Variants in LIPA observed in about 807,000 individuals in gnomAD.
LIPA encodes lysosomal acid lipase/cholesteryl ester hydrolase.
LIPA carries 26 observed loss-of-function variants against 40.6 expected under a neutral mutation model. The ratio of observed to expected loss-of-function variants is 0.64; its 90% CI spans 0.47 to 0.89. The LOEUF is 0.89. Ranked by LOEUF, LIPA falls within the 40% of genes least tolerant of loss-of-function variation. The pLI is 0.00. For synonymous variants in LIPA, 188 were observed against 168.4 expected (o/e 1.12, Z -0.90); for missense variants, 455 against 479.6 (o/e 0.95, Z 0.48).
chr10:89,380,094 C>G (rs1844151980), intron 2 of LIPA, among the ~76,000 whole-genome samples: 1 of 151,798 alleles, frequency 6.6e-6, no homozygotes, highest in Non-Finnish European at 1.5e-5. Flanking sequence ...TGACAGAAAG[C>G]AAGCCTTTCA....
At chr10:89,293,762 TGTTACCAGATTAGGG>T (rs941351247) in intron 1 of LIPA, 7 of 151,952 alleles carry the variant, frequency 4.6e-5, no homozygotes, top group Admixed American at 3.3e-4. Flanking sequence ...AAGACGTCAG[TGTTACCAGATTAGGG>T]GTTACCAGAT....
In LIPA at chr10:89,214,722, A is replaced by C. The variant is rs146148229; in HGVS notation, c.*106T>G. ...GTTATCATTTTCTTGGATATAAAAA[A>C]ACAAAAGACCTGGGAAAGAAAAACA... On this transcript the variant is annotated 3_prime_UTR_variant, in exon 10 of 10. Transcript: ENST00000336233. 8.6e-4 allele frequency: 637 copies of C among 740,052 alleles called. 2 individuals are homozygous for C. The African/African-American group carries it at 8.9e-3, about 10-fold the overall frequency. 45.8% of individuals were successfully genotyped at this position (740,052 alleles called of 1,614,324 possible). A position where few individuals can be genotyped will look rare whatever the true frequency, so the allele number is the denominator to read the frequency against.
intron 2 of LIPA, among the ~76,000 whole-genome samples, chr10:89,348,201 A>G (rs1250078786): frequency 6.6e-6 from 1 of 152,214 alleles, no homozygotes; most frequent in Non-Finnish European, 1.5e-5. Context: ...CAGCGTGGGA[A>G]GATTTCCGTC....
intron 1 of LIPA, among the ~76,000 whole-genome samples, chr10:89,302,921 A>G (rs1457236516): frequency 2.0e-5 from 3 of 151,800 alleles, no homozygotes; most frequent in Non-Finnish European, 4.4e-5. Flanking sequence ...ACTTCCTATG[A>G]GACACCTTGC....
At chr10:89,400,336 G>T (rs563035326) in intron 2 of LIPA, among the ~76,000 whole-genome samples, 1 of 152,198 alleles carries the variant, frequency 6.6e-6, no homozygotes, top group Admixed American at 6.5e-5. Context: ...TTTTTATTAG[G>T]ATTGCATTGA....
At chr10:89,357,889 G>A (rs1843996585) in intron 2 of LIPA, among the ~76,000 whole-genome samples, 1 of 152,084 alleles carries the variant, frequency 6.6e-6, no homozygotes, top group African/African-American at 2.4e-5. Context: ...CCAAAATTAA[G>A]GTATATCTTA....
At chr10:89,317,205 C>T (rs531973048) in intron 1 of LIPA, among the ~76,000 whole-genome samples, 8 of 152,174 alleles carry the variant, frequency 5.3e-5, no homozygotes, top group Non-Finnish European at 7.3e-5. Flanking sequence ...CAAAGCTGGA[C>T]GGAGAATGAC....
chr10:89,353,923 A>C (rs1843973956), intron 2 of LIPA, among the ~76,000 whole-genome samples: 1 of 152,168 alleles, frequency 6.6e-6, no homozygotes, highest in African/African-American at 2.4e-5. Flanking sequence ...CCTGGGTGAC[A>C]GAATGAGACT....
In LIPA at chr10:89,220,078, C is replaced by A. The variant is rs11815364; in HGVS notation, c.894+2433G>T. On this transcript the variant is annotated intron_variant, in intron 8 of 9. Coordinates refer to ENST00000336233, the MANE Select transcript of LIPA (RefSeq NM_000235.4). ...CAATGTCTCTACTGCAAACCCCATG[C>A]CCAGTGGAGGCCCAAGACACAGAAG... is the stretch of plus-strand genomic sequence containing the variant. Among the ~76,000 whole-genome samples the A allele has an allele frequency of 2.8e-3, 419 of 152,316 alleles. 1 individual carries two copies. Among genetic ancestry groups the A allele is most frequent in the African/African-American group, 9.2e-3 (382 of 41,570 alleles).
rs1190612975 is a variant in LIPA at position 89,223,677 on chromosome 10, T to C, written c.822+7A>G. ...AAAAAATCAAATCTTACTATAAACA[T>C]GCATACCATATTTAAATTTCTCTCA... On this transcript the variant is annotated splice_region_variant and intron_variant, in intron 7 of 9. Transcript: ENST00000336233. 1 of 1,601,404 alleles carries C rather than the reference T, an allele frequency of 6.2e-7. No homozygotes were observed. The highest frequency in any genetic ancestry group is 2.2e-5 in the East Asian group (1 of 44,810).
At chr10:89,315,647 AT>A (rs1277864246) in intron 1 of LIPA, among the ~76,000 whole-genome samples, 1 of 152,172 alleles carries the variant, frequency 6.6e-6, no homozygotes, top group Non-Finnish European at 1.5e-5. Context: ...TAAATATATA[AT>A]CCATCCATTA....
chr10:89,304,386 T>C (rs1269035884), intron 1 of LIPA, among the ~76,000 whole-genome samples: 2 of 152,130 alleles, frequency 1.3e-5, no homozygotes, highest in Non-Finnish European at 2.9e-5. Context: ...TACAGGAAGA[T>C]TCCCAATCAA....
At chr10:89,222,670 T>A in intron 7 of LIPA, 88 bp from the exon 8 acceptor site, 1 of 867,792 alleles carries the variant, frequency 1.2e-6, no homozygotes, top group Non-Finnish European at 2.0e-6. Flanking sequence ...TTCAAAGCAC[T>A]AAAAACTAGA....
intron 2 of LIPA, chr10:89,403,503 C>T: frequency 6.2e-7 from 1 of 1,612,544 alleles, no homozygotes; most frequent in Non-Finnish European, 8.5e-7. Context: ...AAAAATAGAA[C>T]AGGCATCATT....
chr10:89,349,533 G>GGT (rs1210800753), intron 2 of LIPA, among the ~76,000 whole-genome samples: 7 of 151,950 alleles, frequency 4.6e-5, no homozygotes, highest in Non-Finnish European at 8.8e-5. Context: ...ACCTTACTAA[G>GGT]GTGTGTGTGT....
upstream of LIPA, chr10:89,414,667 A>G (rs949942848): frequency 1.9e-6 from 2 of 1,038,410 alleles, no homozygotes; most frequent in South Asian, 1.8e-5. Context: ...GGCCGAGTCC[A>G]GGGGCTGCAG....
chr10:89,412,882 T>G, exon 2 of LIPA: 1 of 269,316 alleles, frequency 3.7e-6, no homozygotes, highest in Non-Finnish European at 7.6e-6. Flanking sequence ...ACAGCGAGAG[T>G]CCGCAGCTTC....
upstream of LIPA, among the ~76,000 whole-genome samples, chr10:89,343,243 C>G (rs1375136942): frequency 6.6e-6 from 1 of 152,172 alleles, no homozygotes; most frequent in East Asian, 1.9e-4. Context: ...TGCTTAGGTT[C>G]CATGAAGAAT....
At chr10:89,412,719 C>G (rs974704180) in intron 2 of LIPA, 2 of 436,264 alleles carry the variant, frequency 4.6e-6, no homozygotes, top group African/African-American at 4.1e-5. Flanking sequence ...GACGCGCCAC[C>G]TTTAAGATCT....
Sources: gnomAD v4.1 joint callset for allele counts (sites outside exome capture counted in the v4.1 genomes callset) on GRCh38, gnomAD v4.1.1 for gene constraint, MANE v1.5 for transcripts, NCBI Gene and HGNC (gene_info 2026-07-23, HGNC 2026-07-21) for gene names.